UNC5A: variants seen among roughly 807,000 people sequenced by gnomAD.
UNC5A encodes the protein netrin receptor UNC5A.
Under a neutral mutation model 87.4 loss-of-function variants are expected in UNC5A, and 20 were observed. That is an observed-to-expected ratio of 0.23 (90% CI 0.16 to 0.33). The LOEUF (loss-of-function observed/expected upper bound fraction) is 0.33, where lower values mean the gene tolerates loss of function less well. UNC5A is among the 10% of genes least tolerant of loss of function. The pLI is 1.00. For synonymous variants in UNC5A, 438 were observed against 482.3 expected (o/e 0.91, Z 1.20); for missense variants, 844 against 1,133.4 (o/e 0.74, Z 3.67).
chr5:176,835,139 C>T (rs1283401564), intron 1 of UNC5A, among the ~76,000 whole-genome samples: 1 of 152,274 alleles, frequency 6.6e-6, no homozygotes, highest in African/African-American at 2.4e-5. Flanking sequence ...TCTTAAAGTG[C>T]CATGTGTTCT....
At chr5:176,813,055 C>T (rs1009335533) in intron 1 of UNC5A, among the ~76,000 whole-genome samples, 83 of 152,220 alleles carry the variant, frequency 5.5e-4, no homozygotes, top group Admixed American at 1.6e-3. Context: ...CCCCAGGCCA[C>T]GCGCCCACCC....
chr5:176,816,602 G>A (rs560097428), intron 1 of UNC5A, among the ~76,000 whole-genome samples: 2 of 152,388 alleles, frequency 1.3e-5, no homozygotes, highest in South Asian at 4.1e-4. Flanking sequence ...GGTAGGGCCA[G>A]CCCCCAAGAG....
At position 176,877,094 on chromosome 5, in the gene UNC5A, C is replaced by CA; in HGVS notation, c.1379-97dup. 3 of 967,788 alleles carry CA rather than the reference C, an allele frequency of 3.1e-6. No homozygotes were observed. In the South Asian group the frequency reaches 4.7e-5, roughly 15 times the overall value. 60.0% of individuals were successfully genotyped at this position (967,788 alleles called of 1,614,324 possible). A position where few individuals can be genotyped will look rare whatever the true frequency, so the allele number is the denominator to read the frequency against. On this transcript the variant is annotated intron_variant, in intron 8 of 14. Coordinates refer to ENST00000329542, the MANE Select transcript of UNC5A (RefSeq NM_133369.3). The stretch of plus-strand genomic sequence containing the variant: ...CTCTGTCCCCAGGCCGGGCTGGCAC[C>CA]AGTCAGTCCTCACAGGAAGGCTCCT...
intron 1 of UNC5A, among the ~76,000 whole-genome samples, chr5:176,833,726 T>C (rs1434214775): frequency 6.6e-6 from 1 of 151,364 alleles, no homozygotes; most frequent in Non-Finnish European, 1.5e-5. Flanking sequence ...TTTTTTTTTT[T>C]TGAGACGGAG....
At chr5:176,830,593 T>C (rs1756979755) in intron 1 of UNC5A, among the ~76,000 whole-genome samples, 1 of 145,078 alleles carries the variant, frequency 6.9e-6, no homozygotes, top group Non-Finnish European at 1.5e-5. Context: ...CGTGCTGGTG[T>C]GTGCATGCTG....
intron 10 of UNC5A, 59 bp from the exon 11 acceptor site, chr5:176,877,835 A>G: frequency 6.5e-7 from 1 of 1,532,346 alleles, no homozygotes; most frequent in Non-Finnish European, 8.8e-7. Flanking sequence ...TCTTGAAGCC[A>G]CAGCTGGCCC....
chr5:176,830,561 GGTGTGTGTGT>G lies in UNC5A; in HGVS notation c.70+19751_70+19760del, dbSNP rs141393711. Among the ~76,000 whole-genome samples, 147 of 133,448 alleles carry G rather than the reference GGTGTGTGTGT, an allele frequency of 1.1e-3. 1 individual carries two copies. The East Asian group carries it at 0.031, about 28-fold the overall frequency. 87.5% of individuals were successfully genotyped at this position (133,448 alleles called of 152,430 possible). ...GTGTGTGTGCATGTGCATGTGTCCT[GGTGTGTGTGT>G]GTGTGTGTGCGCGTGCTGGTGTGTG... On this transcript the variant is annotated intron_variant, in intron 1 of 14. Coordinates refer to ENST00000329542, the MANE Select transcript of UNC5A (RefSeq NM_133369.3).
intron 1 of UNC5A, among the ~76,000 whole-genome samples, chr5:176,817,292 GA>G (rs1330464125): frequency 6.8e-6 from 1 of 147,604 alleles, no homozygotes; most frequent in East Asian, 2.2e-4. Context: ...GGGGTGGGGG[GA>G]AGGCCGGGGG....
In UNC5A at chr5:176,868,720, G is replaced by A. The variant is rs139055761; in HGVS notation, c.540+56G>A. 217 of 1,588,806 alleles carry A rather than the reference G, an allele frequency of 1.4e-4. 1 individual carries two copies. The African/African-American group carries it at 2.1e-3, about 15-fold the overall frequency. On this transcript the variant is annotated intron_variant, in intron 4 of 14. Coordinates refer to ENST00000329542, the MANE Select transcript of UNC5A (RefSeq NM_133369.3). ...CCTGGGCTCCTGCCTGGTCACCCTG[G>A]CAGGGGCCACTCTGGGCAGGGCCAG...
chr5:176,849,491 A>G (rs902437700), intron 1 of UNC5A, among the ~76,000 whole-genome samples: 7 of 152,208 alleles, frequency 4.6e-5, no homozygotes, highest in Non-Finnish European at 1.0e-4. Context: ...AGGCTGAGGC[A>G]GGAAAATCCC....
At chr5:176,831,980 T>C (rs1387601487) in intron 1 of UNC5A, among the ~76,000 whole-genome samples, 1 of 140,670 alleles carries the variant, frequency 7.1e-6, no homozygotes, top group Admixed American at 7.5e-5. Context: ...CTCTGCAACC[T>C]CCACCTACCT....
In UNC5A at chr5:176,869,101, C is replaced by A; in HGVS notation, c.721+137C>A. 2 of 998,042 alleles carry A rather than the reference C, an allele frequency of 2.0e-6. No individual in the cohort carries two copies. Among genetic ancestry groups the A allele is most frequent in the South Asian group, 3.5e-5 (2 of 56,874 alleles). 61.8% of individuals were successfully genotyped at this position (998,042 alleles called of 1,614,324 possible). The stretch of plus-strand genomic sequence containing the variant: ...ATCGTGCCTGACTAGGCAGGATAAG[C>A]AAAGGGCTCTCTGTGACTGCTGGGG... On this transcript the variant is annotated intron_variant, in intron 5 of 14. Coordinates refer to ENST00000329542, the MANE Select transcript of UNC5A (RefSeq NM_133369.3). This position sits in a 1 kb window ranked among gnomAD's most constrained non-coding sequence, Gnocchi z 9.1.
At chr5:176,845,388 T>G (rs1223028534) in intron 1 of UNC5A, among the ~76,000 whole-genome samples, 1 of 152,310 alleles carries the variant, frequency 6.6e-6, no homozygotes, top group East Asian at 1.9e-4. Context: ...CCTCATATGC[T>G]TTGCTTATGC....
chr5:176,868,698 G>A, intron 4 of UNC5A, 34 bp downstream of exon 4: 1 of 1,591,690 alleles, frequency 6.3e-7, no homozygotes, highest in Admixed American at 1.7e-5. Flanking sequence ...GTCTGGACCT[G>A]GGCTCCTGCC....
At chr5:176,859,565 A>G (rs1444984922) in intron 1 of UNC5A, among the ~76,000 whole-genome samples, 4 of 74,432 alleles carry the variant, frequency 5.4e-5, no homozygotes, top group Non-Finnish European at 1.7e-4. Context: ...TGTCCTTGCT[A>G]GAGGGCATGG....
In UNC5A at chr5:176,848,959, G is replaced by A. The variant is rs769568085; in HGVS notation, c.71-13665G>A. Among the ~76,000 whole-genome samples the A allele has an allele frequency of 1.1e-4, 16 of 152,206 alleles. No homozygotes were observed. Among genetic ancestry groups the A allele is most frequent in the Non-Finnish European group, 2.1e-4 (14 of 68,038 alleles). ...GGGGCAATGGACAGCCGACCTCTCCGCCTCTGTCCAGGCCCAGGGGCCTTC... is the reference window on the plus strand; with the variant it reads ...GGGGCAATGGACAGCCGACCTCTCCACCTCTGTCCAGGCCCAGGGGCCTTC... On this transcript the variant is annotated intron_variant, in intron 1 of 14. Transcript: ENST00000329542. The surrounding 1 kb of genome is among the most constrained non-coding windows in gnomAD (Gnocchi z 5.8).
chr5:176,832,054 G>A (rs1757044562), intron 1 of UNC5A, among the ~76,000 whole-genome samples: 1 of 151,828 alleles, frequency 6.6e-6, no homozygotes, highest in Admixed American at 6.6e-5. Flanking sequence ...CTGCAACCAC[G>A]CCTGGCTAAT....
intron 1 of UNC5A, among the ~76,000 whole-genome samples, chr5:176,849,444 G>A (rs1384556041): frequency 6.6e-6 from 1 of 152,180 alleles, no homozygotes; most frequent in Non-Finnish European, 1.5e-5. Context: ...AATTACCTGG[G>A]TGTTGTGGCA....
intron 1 of UNC5A, among the ~76,000 whole-genome samples, chr5:176,839,500 G>A (rs926159554): frequency 6.6e-6 from 1 of 152,254 alleles, no homozygotes; most frequent in Non-Finnish European, 1.5e-5. Context: ...GGCAGGCCAG[G>A]AGGGCCGCTG....
Sources: gnomAD v4.1 joint callset for allele counts (sites outside exome capture counted in the v4.1 genomes callset) on GRCh38, gnomAD v4.1.1 for gene constraint, Gnocchi (gnomAD v3.1) non-coding constraint, MANE v1.5 for transcripts, NCBI Gene and HGNC (gene_info 2026-07-23, HGNC 2026-07-21) for gene names.